The following DPYD variants were observed in gnomAD, a reference collection of about 807,000 sequenced individuals.
The protein encoded by DPYD is dihydropyrimidine dehydrogenase.
In DPYD, 109 loss-of-function variants were observed where a neutral mutation model predicts 116.2. The observed-to-expected ratio is 0.94, with a 90% confidence interval of 0.80 to 1.10. The LOEUF (loss-of-function observed/expected upper bound fraction) is 1.10, where lower values mean the gene tolerates loss of function less well. Ranked by LOEUF, DPYD falls within the 50% of genes least tolerant of loss-of-function variation. DPYD has a pLI of 0.00. For synonymous variants in DPYD, 440 were observed against 432.0 expected, an observed-to-expected ratio of 1.02 and a Z score of -0.23; for missense variants, 1,302 against 1,254.5, an observed-to-expected ratio of 1.04 and a Z score of -0.57.
At chr1:97,796,766 A>T (rs773140715) in intron 3 of DPYD, among the ~76,000 whole-genome samples, 1 of 152,148 alleles carries the variant, frequency 6.6e-6, no homozygotes, top group Admixed American at 6.6e-5. Flanking sequence ...TGTGGGAACA[A>T]TGGTAATTTC....
intron 13 of DPYD, among the ~76,000 whole-genome samples, chr1:97,494,574 A>G (rs1034202774): frequency 1.3e-5 from 2 of 152,074 alleles, no homozygotes; most frequent in South Asian, 4.1e-4. Flanking sequence ...AAGACCCCAA[A>G]TCTATGAAAA....
intron 20 of DPYD, among the ~76,000 whole-genome samples, chr1:97,168,040 T>C (rs1656450179): frequency 6.6e-6 from 1 of 152,200 alleles, no homozygotes. Context: ...ATTTCTATAG[T>C]GGATGATAAA....
intron 10 of DPYD, among the ~76,000 whole-genome samples, chr1:97,589,978 C>T (rs1012796120): frequency 6.6e-6 from 1 of 152,136 alleles, no homozygotes; most frequent in Non-Finnish European, 1.5e-5. Flanking sequence ...ATATTAAATT[C>T]TTCATATTGG....
At chr1:97,151,918 T>C (rs1158287105) in intron 20 of DPYD, among the ~76,000 whole-genome samples, 1 of 152,152 alleles carries the variant, frequency 6.6e-6, no homozygotes, top group Non-Finnish European at 1.5e-5. Flanking sequence ...CATGGAACAG[T>C]TTTGAAGTAG....
intron 11 of DPYD, among the ~76,000 whole-genome samples, chr1:97,567,342 C>T (rs1253941793): frequency 6.6e-6 from 1 of 151,350 alleles, no homozygotes; most frequent in Non-Finnish European, 1.5e-5. Context: ...TTCCTGCAAA[C>T]ACTCCCTTAT....
intron 6 of DPYD, among the ~76,000 whole-genome samples, chr1:97,693,290 C>CA (rs201872835): frequency 0.055 from 2,301 of 41,538 alleles, 241 homozygotes; most frequent in African/African-American, 0.092. Context: ...GACTCCGTCT[C>CA]AAAAAAAAAA....
At chr1:97,120,078 T>C (rs746478533) in intron 20 of DPYD, among the ~76,000 whole-genome samples, 21 of 152,140 alleles carry the variant, frequency 1.4e-4, no homozygotes, top group Non-Finnish European at 2.6e-4. Flanking sequence ...AATCAAGTTG[T>C]ACCACTTCTC....
At position 97,540,367 on chromosome 1, in the gene DPYD, CAAAACAAAACAA is replaced by C. The variant is rs1016311809; in HGVS notation, c.1524+9181_1524+9192del. ...GGTGGCGGCGGGGCAGGGAACAAAA[CAAAACAAAACAA>C]AACAAAACAAAACAAAAACCAAACT... On this transcript the variant is annotated intron_variant, in intron 12 of 22. Transcript: ENST00000370192. 4.0e-3 allele frequency among the ~76,000 whole-genome samples: 461 copies of C among 114,754 alleles called. 3 individuals carry two copies. The highest frequency in any genetic ancestry group is 5.2e-3 in the Non-Finnish European group (252 of 48,374). 75.3% of individuals were successfully genotyped at this position (114,754 alleles called of 152,430 possible). A position where few individuals can be genotyped will look rare whatever the true frequency, so the allele number is the denominator to read the frequency against.
chr1:97,519,975 GA>G (rs1436092841), intron 12 of DPYD, among the ~76,000 whole-genome samples: 1 of 151,932 alleles, frequency 6.6e-6, no homozygotes, highest in Non-Finnish European at 1.5e-5. Context: ...TAATTACATT[GA>G]AAATATTTGG....
chr1:97,156,775 C>T (rs1208648348), intron 20 of DPYD, among the ~76,000 whole-genome samples: 6 of 151,802 alleles, frequency 4.0e-5, no homozygotes, highest in Non-Finnish European at 8.8e-5. Flanking sequence ...GGGTATATAC[C>T]CAAAGGACTA....
At chr1:97,562,843 C>T (rs1417208641) in intron 11 of DPYD, among the ~76,000 whole-genome samples, 1 of 152,046 alleles carries the variant, frequency 6.6e-6, no homozygotes, top group African/African-American at 2.4e-5. Flanking sequence ...CTCAGCCCCC[C>T]CGAGTAGCTG....
chr1:97,149,497 C>T (rs1380532032), intron 20 of DPYD, among the ~76,000 whole-genome samples: 6 of 152,192 alleles, frequency 3.9e-5, no homozygotes, highest in Admixed American at 3.9e-4. Flanking sequence ...AGGTGATCTG[C>T]CCATCTCAGC....
At chr1:97,867,048 AT>A (rs949659173) in intron 2 of DPYD, among the ~76,000 whole-genome samples, 4 of 151,570 alleles carry the variant, frequency 2.6e-5, no homozygotes, top group Admixed American at 6.6e-5. Context: ...ATACAGTTGC[AT>A]TTTTTTTAAT....
chr1:97,536,979 G>C (rs1364033332), intron 12 of DPYD, among the ~76,000 whole-genome samples: 1 of 152,194 alleles, frequency 6.6e-6, no homozygotes, highest in Non-Finnish European at 1.5e-5. Flanking sequence ...TAGTTCTTCA[G>C]ATATTGTAGA....
intron 14 of DPYD, among the ~76,000 whole-genome samples, chr1:97,400,090 A>T (rs1481250334): frequency 6.6e-6 from 1 of 152,144 alleles, no homozygotes; most frequent in Non-Finnish European, 1.5e-5. Flanking sequence ...TGGGTTTTTC[A>T]TAAGTAGCTC....
intron 20 of DPYD, among the ~76,000 whole-genome samples, chr1:97,157,193 C>T (rs1287088777): frequency 3.3e-5 from 5 of 151,456 alleles, no homozygotes; most frequent in African/African-American, 2.4e-5. Context: ...GTGCAGCACA[C>T]CAGCATGGCA....
At chr1:97,735,368 T>C (rs1379657286) in intron 4 of DPYD, among the ~76,000 whole-genome samples, 1 of 151,900 alleles carries the variant, frequency 6.6e-6, no homozygotes, top group Admixed American at 6.6e-5. Flanking sequence ...TGAAAACGAA[T>C]ATTTTAAGTT....
chr1:97,787,232 G>A (rs146685057), intron 3 of DPYD, among the ~76,000 whole-genome samples: 2,696 of 152,284 alleles, frequency 0.018, 93 homozygotes, highest in African/African-American at 0.061. Context: ...GATATTGGCA[G>A]TGAAAATATT....
At chr1:97,110,348 C>T (rs1396508063) in intron 20 of DPYD, among the ~76,000 whole-genome samples, 1 of 152,076 alleles carries the variant, frequency 6.6e-6, no homozygotes, top group Non-Finnish European at 1.5e-5. Context: ...TCCCACTCAC[C>T]TGCACTTTCA....
Sources: gnomAD v4.1 joint callset for allele counts (sites outside exome capture counted in the v4.1 genomes callset) on GRCh38, gnomAD v4.1.1 for gene constraint, MANE v1.5 for transcripts, NCBI Gene and HGNC (gene_info 2026-07-23, HGNC 2026-07-21) for gene names.